TMEM117: variants seen among roughly 807,000 people sequenced by gnomAD.
The protein encoded by TMEM117 is transmembrane protein 117.
Under a neutral mutation model 52.4 loss-of-function variants are expected in TMEM117, and 27 were observed. The ratio of observed to expected loss-of-function variants is 0.51; its 90% confidence interval spans 0.38 to 0.71. The LOEUF is 0.71. TMEM117 is among the 30% of genes least tolerant of loss of function. The probability of loss-of-function intolerance (pLI) is 0.00; values close to 1 mark genes in which losing one functional copy is unlikely to be tolerated. For synonymous variants in TMEM117, 215 were observed against 206.3 expected (o/e 1.04, Z -0.36); for missense variants, 556 against 630.5 (o/e 0.88, Z 1.26).
intron 2 of TMEM117, among the ~76,000 whole-genome samples, chr12:43,865,687 AC>A (rs1565725531): frequency 5.5e-4 from 83 of 150,546 alleles, no homozygotes; most frequent in African/African-American, 1.9e-3. Context: ...ACAGAACGAG[AC>A]TCCGTCCCAA....
chr12:44,249,827 A>C (rs1419574358), intron 5 of TMEM117, among the ~76,000 whole-genome samples: 4 of 152,236 alleles, frequency 2.6e-5, no homozygotes, highest in Non-Finnish European at 5.9e-5. Flanking sequence ...CTTACACCTT[A>C]TACAAAAATT....
chr12:44,153,802 A>G (rs1266218592), intron 4 of TMEM117, among the ~76,000 whole-genome samples: 1 of 151,996 alleles, frequency 6.6e-6, no homozygotes, highest in African/African-American at 2.4e-5. Flanking sequence ...TGTTTTAACC[A>G]TATTTAGTTA....
chr12:44,265,300 G>C (rs940182820), intron 5 of TMEM117, among the ~76,000 whole-genome samples: 5 of 152,162 alleles, frequency 3.3e-5, no homozygotes, highest in African/African-American at 1.2e-4. Context: ...AAGGGAACAA[G>C]GTGTAGATCA....
At chr12:44,366,125 A>T (rs926679336) in intron 6 of TMEM117, among the ~76,000 whole-genome samples, 1 of 152,082 alleles carries the variant, frequency 6.6e-6, no homozygotes, top group African/African-American at 2.4e-5. Context: ...ATGCCCTCCT[A>T]TGGGGAACTT....
At chr12:44,323,104 C>T in intron 6 of TMEM117, among the ~76,000 whole-genome samples, 1 of 152,076 alleles carries the variant, frequency 6.6e-6, no homozygotes, top group East Asian at 1.9e-4. Flanking sequence ...AGGCCATAAG[C>T]CAGAGACTGT....
chr12:44,353,238 C>T (rs1015890651), intron 6 of TMEM117, among the ~76,000 whole-genome samples: 8 of 151,672 alleles, frequency 5.3e-5, no homozygotes, highest in African/African-American at 1.2e-4. Context: ...TTCTCCCATT[C>T]TGTAGGTTGC....
At chr12:44,031,138 G>C (rs546505803) in intron 3 of TMEM117, among the ~76,000 whole-genome samples, 202 of 152,248 alleles carry the variant, frequency 1.3e-3, no homozygotes, top group African/African-American at 4.5e-3. Flanking sequence ...AATCATGCAG[G>C]TAGCATTGTC....
At chr12:44,325,502 T>TTATTATATTATTTA (rs1555152573) in intron 6 of TMEM117, among the ~76,000 whole-genome samples, 7,092 of 150,664 alleles carry the variant, frequency 0.047, 348 homozygotes, top group African/African-American at 0.12. Flanking sequence ...TTTATATTAT[T>TTATTATATTATTTA]TATTATATTA....
intron 3 of TMEM117, among the ~76,000 whole-genome samples, chr12:44,139,318 A>G (rs925420868): frequency 6.6e-6 from 1 of 152,160 alleles, no homozygotes; most frequent in African/African-American, 2.4e-5. Context: ...CTAGTGATCA[A>G]GACCCTTACT....
intron 3 of TMEM117, among the ~76,000 whole-genome samples, chr12:44,011,940 G>A (rs533709711): frequency 3.9e-5 from 6 of 152,302 alleles, no homozygotes; most frequent in African/African-American, 1.2e-4. Flanking sequence ...AGGAGGGATG[G>A]AATGGGATGG....
the TMEM117 span, among the ~76,000 whole-genome samples, chr12:43,798,166 T>A: frequency 1.3e-5 from 2 of 152,138 alleles, no homozygotes; most frequent in Non-Finnish European, 2.9e-5. Flanking sequence ...ATAGAATTTA[T>A]AAACAACAAT....
In TMEM117 at chr12:44,244,819, G is replaced by C. The variant is rs538874405; in HGVS notation, c.608+33432G>C. Among the ~76,000 whole-genome samples, 13 of 152,004 alleles carry C rather than the reference G, an allele frequency of 8.6e-5. No homozygotes were observed. In the South Asian group the frequency reaches 2.7e-3, roughly 31 times the overall value. ...AGTGTTTTCTTCTAATTATTTTATA[G>C]TTTCAGGTCTTAGGTTTAAGTCTTT... On this transcript the variant is annotated intron_variant, in intron 5 of 7. Coordinates refer to ENST00000266534, the MANE Select transcript of TMEM117 (RefSeq NM_032256.3).
intron 2 of TMEM117, among the ~76,000 whole-genome samples, chr12:43,915,754 G>T (rs1480223459): frequency 7.1e-6 from 1 of 141,566 alleles, no homozygotes; most frequent in African/African-American, 2.7e-5. Flanking sequence ...GAAAGAAAAA[G>T]AAAGAAAGAA....
At chr12:44,211,762 A>G (rs1172062643) in intron 5 of TMEM117, among the ~76,000 whole-genome samples, 1 of 152,218 alleles carries the variant, frequency 6.6e-6, no homozygotes, top group African/African-American at 2.4e-5. Context: ...GAGAAGTGAT[A>G]AAGAAAAGGA....
At chr12:43,975,606 T>C (rs965092632) in intron 3 of TMEM117, among the ~76,000 whole-genome samples, 1 of 152,206 alleles carries the variant, frequency 6.6e-6, no homozygotes, top group African/African-American at 2.4e-5. Context: ...GTTAGCTACA[T>C]GGAGTTTTCC....
intron 3 of TMEM117, among the ~76,000 whole-genome samples, chr12:44,048,629 A>T (rs2137918031): frequency 6.6e-6 from 1 of 152,358 alleles, no homozygotes; most frequent in East Asian, 1.9e-4. Context: ...CTGAGGCTAC[A>T]ACTAAATAAA....
At chr12:43,872,208 C>T (rs1430374511) in intron 2 of TMEM117, among the ~76,000 whole-genome samples, 1 of 152,188 alleles carries the variant, frequency 6.6e-6, no homozygotes. Context: ...TTTCAAAGCA[C>T]TCTATCTTCA....
intron 3 of TMEM117, among the ~76,000 whole-genome samples, chr12:44,134,537 C>T (rs1948462119): frequency 6.6e-6 from 1 of 152,162 alleles, no homozygotes. Context: ...GGAAACAGTA[C>T]ATTAGATTTA....
chr12:44,365,793 A>C (rs926633361), intron 6 of TMEM117, among the ~76,000 whole-genome samples: 1 of 151,986 alleles, frequency 6.6e-6, no homozygotes, highest in Non-Finnish European at 1.5e-5. Context: ...TCTAGGGTAC[A>C]TGTGCAGAAC....
Sources: allele counts gnomAD v4.1 joint callset (sites outside exome capture counted in the v4.1 genomes callset), GRCh38; gene constraint gnomAD v4.1.1; transcripts MANE v1.5; gene names NCBI Gene and HGNC (gene_info 2026-07-23, HGNC 2026-07-21).